Variants in LIMD1 observed in about 807,000 individuals in gnomAD.
LIMD1 encodes the protein LIM domain containing 1.
Under a neutral mutation model 58.4 loss-of-function variants are expected in LIMD1, and 23 were observed. That is an observed-to-expected ratio of 0.39 (90% CI 0.28 to 0.56). The LOEUF is 0.56. LIMD1 is among the 20% of genes least tolerant of loss of function. LIMD1 has a pLI of 0.57. For missense variants in LIMD1, 838 were observed against 855.5 expected (o/e 0.98, Z 0.25); for synonymous variants, 334 against 345.5 (o/e 0.97, Z 0.37).
At chr3:45,656,525 CT>C (rs1222324429) in intron 2 of LIMD1, among the ~76,000 whole-genome samples, 140 of 143,696 alleles carry the variant, frequency 9.7e-4, no homozygotes, top group Middle Eastern at 3.6e-3. Context: ...CTTTTTCTTT[CT>C]TTTTTTTTTT....
intron 2 of LIMD1, among the ~76,000 whole-genome samples, chr3:45,649,756 ATT>A (rs1042853551): frequency 3.5e-5 from 5 of 144,358 alleles, no homozygotes; most frequent in African/African-American, 1.3e-4. Flanking sequence ...ATAATTATAT[ATT>A]TTATATATAT....
chr3:45,684,684 T>G lies in LIMD1; in HGVS notation c.*7625T>G, dbSNP rs1697788889. ...GGTTTGACCAGGTGTGCCATTTACA[T>G]AGCCCTCGAAGAAACTGGCCATTCC... On this transcript the variant is annotated 3_prime_UTR_variant, in exon 8 of 8. Transcript: ENST00000273317. The G allele has an allele frequency of 6.6e-6, 1 of 152,246 alleles. No homozygotes were observed. The highest frequency in any genetic ancestry group is 2.1e-4 in the South Asian group (1 of 4,834). 9.4% of individuals were successfully genotyped at this position (152,246 alleles called of 1,614,324 possible).
chr3:45,618,538 G>C (rs1389759591), intron 1 of LIMD1, among the ~76,000 whole-genome samples: 3 of 152,158 alleles, frequency 2.0e-5, no homozygotes, highest in Non-Finnish European at 2.9e-5. Flanking sequence ...TCTGTGAGGA[G>C]AGTGGTTTTA....
chr3:45,658,335 C>G (rs1476153288), intron 2 of LIMD1, among the ~76,000 whole-genome samples: 2 of 151,996 alleles, frequency 1.3e-5, no homozygotes, highest in African/African-American at 4.8e-5. Flanking sequence ...GTCCCCCAAC[C>G]CCCTGTACTG....
At chr3:45,613,651 GT>G (rs71095043) in intron 1 of LIMD1, among the ~76,000 whole-genome samples, 12 of 143,108 alleles carry the variant, frequency 8.4e-5, no homozygotes, top group East Asian at 2.0e-4. Flanking sequence ...AAGACTTTGG[GT>G]TTTTTTTTTG....
chr3:45,661,764 GT>G, intron 2 of LIMD1, among the ~76,000 whole-genome samples: 1 of 152,236 alleles, frequency 6.6e-6, no homozygotes, highest in South Asian at 2.1e-4. Flanking sequence ...TTTTGTTGTT[GT>G]TTGTTTTTGG....
Position 45,594,802 on chromosome 3 carries a change from C to CACACACACACACACCACACAT in LIMD1, c.-64_-63insCACACATACACACACACACAC. On this transcript the variant is annotated 5_prime_UTR_variant, in exon 1 of 8. Coordinates refer to ENST00000273317, the MANE Select transcript of LIMD1 (RefSeq NM_014240.3). ...CAACACACACACACACACACACACA[C>CACACACACACACACCACACAT]ACACACACACACACACACACACACA... 5.2e-6 allele frequency: 1 copy of CACACACACACACACCACACAT among 193,340 alleles called. No homozygotes were observed. Among genetic ancestry groups the CACACACACACACACCACACAT allele is most frequent in the South Asian group, 8.7e-5 (1 of 11,468 alleles). 12.0% of individuals were successfully genotyped at this position (193,340 alleles called of 1,614,324 possible).
At chr3:45,597,028 AT>A (rs35567590) in intron 1 of LIMD1, among the ~76,000 whole-genome samples, 18 of 147,888 alleles carry the variant, frequency 1.2e-4, no homozygotes, top group East Asian at 6.0e-4. Flanking sequence ...CACCTGGCTA[AT>A]TTTTTTTTTT....
At chr3:45,596,356 C>G (rs936361094) in intron 1 of LIMD1, 69 bp downstream of exon 1, 2 of 1,264,974 alleles carry the variant, frequency 1.6e-6, no homozygotes, top group East Asian at 2.5e-5. Context: ...GAACATGCCC[C>G]CTACCAGGGA....
At chr3:45,598,215 A>T (rs1701376371) in intron 1 of LIMD1, among the ~76,000 whole-genome samples, 1 of 152,064 alleles carries the variant, frequency 6.6e-6, no homozygotes, top group Admixed American at 6.6e-5. Flanking sequence ...CAGCCTCCCA[A>T]AGTGCTGGGA....
intron 1 of LIMD1, among the ~76,000 whole-genome samples, chr3:45,609,951 T>C (rs1701507560): frequency 6.6e-6 from 1 of 152,134 alleles, no homozygotes; most frequent in Admixed American, 6.6e-5. Flanking sequence ...CCCAGCACTT[T>C]GGGAGGCCGA....
intron 2 of LIMD1, among the ~76,000 whole-genome samples, chr3:45,649,053 A>C (rs1701935821): frequency 6.6e-6 from 1 of 152,144 alleles, no homozygotes; most frequent in African/African-American, 2.4e-5. Flanking sequence ...ATGCAGTAGA[A>C]TTTATCTACT....
At chr3:45,671,334 A>C (rs1697583173) in intron 4 of LIMD1, among the ~76,000 whole-genome samples, 1 of 152,236 alleles carries the variant, frequency 6.6e-6, no homozygotes, top group Admixed American at 6.5e-5. Context: ...GTAACACAGC[A>C]TATCTTTACC....
At chr3:45,666,934 A>G (rs1199519455) in intron 3 of LIMD1, among the ~76,000 whole-genome samples, 1 of 152,204 alleles carries the variant, frequency 6.6e-6, no homozygotes, top group East Asian at 1.9e-4. Flanking sequence ...TTCACTGAAA[A>G]GTTGATTCAT....
At position 45,685,197 on chromosome 3, in the gene LIMD1, C is replaced by G. The variant is rs181653512; in HGVS notation, c.*8138C>G. On this transcript the variant is annotated 3_prime_UTR_variant, in exon 8 of 8. Coordinates refer to ENST00000273317, the MANE Select transcript of LIMD1 (RefSeq NM_014240.3). ...ACAGATATGAATTTATATTACCCAT[C>G]ATTGGCTGGTTCCTTATCCTGAACA... is the stretch of plus-strand genomic sequence containing the variant. 6.6e-6 allele frequency: 1 copy of G among 152,320 alleles called. No individual in the cohort carries two copies. The highest frequency in any genetic ancestry group is 6.5e-5 in the Admixed American group (1 of 15,300). 9.4% of individuals were successfully genotyped at this position (152,320 alleles called of 1,614,324 possible).
intron 1 of LIMD1, among the ~76,000 whole-genome samples, chr3:45,614,858 G>C (rs267227): frequency 0.91 from 137,794 of 151,174 alleles, 64,131 homozygotes; most frequent in East Asian, 1. Flanking sequence ...AAAGGTCACC[G>C]ATCATCCTAC....
chr3:45,607,173 G>T (rs1187436563), intron 1 of LIMD1, among the ~76,000 whole-genome samples: 5 of 152,188 alleles, frequency 3.3e-5, no homozygotes, highest in Non-Finnish European at 7.3e-5. Context: ...AACAAAACAG[G>T]TCACCGAAAT....
rs1172728444 is a variant in LIMD1, at chr3:45,681,676, CAG to C, written c.*4619_*4620del. On this transcript the variant is annotated 3_prime_UTR_variant, in exon 8 of 8. Transcript: ENST00000273317. The stretch of plus-strand genomic sequence containing the variant: ...GCCTGCCTGACTTTTGCTCCAGAGA[CAG>C]ACACTATCTCTGTCATCCAAGACTG... 1 of 152,212 alleles carries C rather than the reference CAG, an allele frequency of 6.6e-6. No individual in the cohort carries two copies. Among genetic ancestry groups the C allele is most frequent in the Non-Finnish European group, 1.5e-5 (1 of 68,040 alleles). 9.4% of individuals were successfully genotyped at this position (152,212 alleles called of 1,614,324 possible). A position where few individuals can be genotyped will look rare whatever the true frequency, so the allele number is the denominator to read the frequency against.
intron 6 of LIMD1, 40 bp downstream of exon 6, chr3:45,673,545 G>C: frequency 6.9e-7 from 1 of 1,450,906 alleles, no homozygotes; most frequent in Non-Finnish European, 9.7e-7. Flanking sequence ...GGGCTTCTAA[G>C]ACATGAATAT....
Sources: allele counts gnomAD v4.1 joint callset (sites outside exome capture counted in the v4.1 genomes callset), GRCh38; gene constraint gnomAD v4.1.1; transcripts MANE v1.5; gene names NCBI Gene and HGNC (gene_info 2026-07-23, HGNC 2026-07-21).